RAB7A: variants seen among roughly 807,000 people sequenced by gnomAD.
RAB7A encodes RAB7A, member RAS oncogene family.
In RAB7A, 2 loss-of-function variants were observed where a neutral mutation model predicts 24.5. That is an observed-to-expected ratio of 0.08 (90% CI 0.03 to 0.26). The LOEUF is 0.26. Ranked by LOEUF, RAB7A falls within the 10% of genes least tolerant of loss-of-function variation. The probability of loss-of-function intolerance (pLI) is 1.00; values close to 1 mark genes in which losing one functional copy is unlikely to be tolerated. For missense variants in RAB7A, 118 were observed against 255.7 expected (o/e 0.46, Z 3.67); for synonymous variants, 100 against 95.9 (o/e 1.04, Z -0.25).
At chr3:128,795,164 T>A in intron 1 of RAB7A, 196 bp from the exon 2 acceptor site, 1 of 640,344 alleles carries the variant, frequency 1.6e-6, no homozygotes, top group Non-Finnish European at 2.9e-6. Context: ...TGCTGTGCTG[T>A]TCTGCCTCGC....
At chr3:128,759,673 G>A (rs565993936) in intron 1 of RAB7A, among the ~76,000 whole-genome samples, 2 of 152,140 alleles carry the variant, frequency 1.3e-5, no homozygotes, top group South Asian at 4.2e-4. Context: ...CCTCAAGTAA[G>A]CTCTGTTAGG....
At chr3:128,727,395 GC>G (rs138603041) in intron 1 of RAB7A, among the ~76,000 whole-genome samples, 8,119 of 152,250 alleles carry the variant, frequency 0.053, 227 homozygotes, top group Non-Finnish European at 0.058. Flanking sequence ...CCTGAAGCTT[GC>G]TGGTTTATCT....
chr3:128,744,106 A>G (rs529606608), intron 1 of RAB7A, among the ~76,000 whole-genome samples: 2 of 152,004 alleles, frequency 1.3e-5, no homozygotes, highest in East Asian at 1.9e-4. Flanking sequence ...TGCTCTTAAA[A>G]AAAAAAAAAA....
chr3:128,780,151 G>T (rs2107604731), intron 1 of RAB7A, among the ~76,000 whole-genome samples: 1 of 152,314 alleles, frequency 6.6e-6, no homozygotes, highest in East Asian at 1.9e-4. Context: ...TCTAATGTCA[G>T]AGATGCTGTC....
Position 128,813,724 on chromosome 3 carries a change from G to A in RAB7A, c.*302G>A. On this transcript the variant is annotated 3_prime_UTR_variant, in exon 6 of 6. Coordinates refer to ENST00000265062, the MANE Select transcript of RAB7A (RefSeq NM_004637.6). Reference sequence around the variant, plus strand: ...TATGGCAGCAGGACAAGCCAGCGGTGGAAGTCATTCTGATATGGAGTTGGC... The same window carrying A: ...TATGGCAGCAGGACAAGCCAGCGGTAGAAGTCATTCTGATATGGAGTTGGC... 6.7e-6 allele frequency: 3 copies of A among 447,184 alleles called. No individual in the cohort carries two copies. Among genetic ancestry groups the A allele is most frequent in the Non-Finnish European group, 1.3e-5 (3 of 238,206 alleles). 27.7% of individuals were successfully genotyped at this position (447,184 alleles called of 1,614,324 possible). A position where few individuals can be genotyped will look rare whatever the true frequency, so the allele number is the denominator to read the frequency against.
intron 1 of RAB7A, among the ~76,000 whole-genome samples, chr3:128,790,296 T>C (rs568427850): frequency 1.2e-3 from 176 of 152,370 alleles, no homozygotes; most frequent in Non-Finnish European, 2.2e-3. Context: ...AAAATCTGCA[T>C]TTAAATGTAA....
intron 1 of RAB7A, among the ~76,000 whole-genome samples, chr3:128,746,046 A>G (rs2070610958): frequency 6.6e-6 from 1 of 152,240 alleles, no homozygotes; most frequent in Admixed American, 6.5e-5. Context: ...TCTAAATGCA[A>G]GGAGACATTT....
intron 1 of RAB7A, among the ~76,000 whole-genome samples, chr3:128,728,531 C>T (rs942149411): frequency 1.3e-5 from 2 of 152,130 alleles, no homozygotes; most frequent in African/African-American, 4.8e-5. Flanking sequence ...AGCGCGATGT[C>T]GGCTCACTGC....
chr3:128,773,983 CT>C (rs374371146), intron 1 of RAB7A, among the ~76,000 whole-genome samples: 5,858 of 151,296 alleles, frequency 0.039, 190 homozygotes, highest in African/African-American at 0.093. Flanking sequence ...AACCGGAGAC[CT>C]TTGTTCACTT....
chr3:128,810,192 C>T (rs558400041), intron 5 of RAB7A, among the ~76,000 whole-genome samples: 3 of 151,814 alleles, frequency 2.0e-5, no homozygotes, highest in Admixed American at 6.6e-5. Context: ...GTGAACCGCC[C>T]GCCTCAGCCT....
At chr3:128,755,569 A>C (rs1010273901) in intron 1 of RAB7A, among the ~76,000 whole-genome samples, 3 of 152,208 alleles carry the variant, frequency 2.0e-5, no homozygotes, top group Non-Finnish European at 4.4e-5. Context: ...AACAAAATTG[A>C]CAATCCCTTA....
chr3:128,759,204 G>A (rs555495765), intron 1 of RAB7A, among the ~76,000 whole-genome samples: 393 of 152,312 alleles, frequency 2.6e-3, no homozygotes, highest in African/African-American at 9.1e-3. Flanking sequence ...TACATTCTGA[G>A]GCAAATGGTT....
At chr3:128,767,141 C>T (rs993288164) in intron 1 of RAB7A, among the ~76,000 whole-genome samples, 11 of 152,140 alleles carry the variant, frequency 7.2e-5, no homozygotes, top group Non-Finnish European at 1.2e-4. Flanking sequence ...ACTTAAAATC[C>T]GAGTGGCTCA....
chr3:128,795,004 A>G (rs1933535825), intron 1 of RAB7A, among the ~76,000 whole-genome samples: 1 of 152,126 alleles, frequency 6.6e-6, no homozygotes, highest in South Asian at 2.1e-4. Flanking sequence ...TCTTTGAGAA[A>G]GTGATACTGA....
intron 3 of RAB7A, among the ~76,000 whole-genome samples, chr3:128,799,823 C>G (rs1933661037): frequency 6.6e-6 from 1 of 152,166 alleles, no homozygotes. Context: ...ACATAAATCC[C>G]TGTCATTCCT....
At chr3:128,804,620 A>G (rs1214841746) in intron 3 of RAB7A, among the ~76,000 whole-genome samples, 1 of 152,206 alleles carries the variant, frequency 6.6e-6, no homozygotes, top group African/African-American at 2.4e-5. Flanking sequence ...AATTTTGGTA[A>G]CTTTCTAGGA....
At chr3:128,775,738 A>G (rs1933072777) in intron 1 of RAB7A, among the ~76,000 whole-genome samples, 1 of 152,164 alleles carries the variant, frequency 6.6e-6, no homozygotes, top group African/African-American at 2.4e-5. Context: ...TGTTAAGTAG[A>G]ATTCTTTTTT....
chr3:128,765,193 C>T (rs1029029048), intron 1 of RAB7A, among the ~76,000 whole-genome samples: 8 of 152,220 alleles, frequency 5.3e-5, no homozygotes, highest in Admixed American at 1.3e-4. Flanking sequence ...CAGGAAACCC[C>T]GACGACTCTC....
intron 1 of RAB7A, among the ~76,000 whole-genome samples, chr3:128,781,150 G>T (rs1214069096): frequency 1.3e-5 from 2 of 152,200 alleles, no homozygotes; most frequent in African/African-American, 4.8e-5. Flanking sequence ...CATTGACATG[G>T]ATACAGCAAA....
Sources: gnomAD v4.1 joint callset for allele counts (sites outside exome capture counted in the v4.1 genomes callset) on GRCh38, gnomAD v4.1.1 for gene constraint, MANE v1.5 for transcripts, NCBI Gene and HGNC (gene_info 2026-07-23, HGNC 2026-07-21) for gene names.